Variants in PCDHGA4 observed in about 807,000 individuals in gnomAD.
PCDHGA4 encodes protocadherin gamma-A4.
A neutral mutation model predicts 54.6 loss-of-function variants in PCDHGA4; 38 were observed. That is an observed-to-expected ratio of 0.70 (90% CI 0.54 to 0.91). The LOEUF (loss-of-function observed/expected upper bound fraction) is 0.91. Ranked by LOEUF, PCDHGA4 falls within the 40% of genes least tolerant of loss-of-function variation. PCDHGA4 has a pLI of 0.00. For missense variants in PCDHGA4, 1,298 were observed against 1,220.9 expected (o/e 1.06, Z -0.94); for synonymous variants, 511 against 512.9 (o/e 1.00, Z 0.05).
chr5:141,384,982 G>C, intron 1 of PCDHGA4: 1 of 1,614,144 alleles, frequency 6.2e-7, no homozygotes, highest in Non-Finnish European at 8.5e-7. Flanking sequence ...GTACCTGGTG[G>C]TGGCGGTGGC....
chr5:141,476,062 A>G lies in PCDHGA4; in HGVS notation c.2515-18745A>G, dbSNP rs2099384587. On this transcript the variant is annotated intron_variant, in intron 1 of 3. Coordinates refer to ENST00000571252, the MANE Select transcript of PCDHGA4 (RefSeq NM_018917.4). This position sits in a 1 kb window ranked among gnomAD's most constrained non-coding sequence, Gnocchi z 7.6. ...AGCGCTAACCCGCTGAAAGTTTCTC[A>G]GCGAAATCTCAGGGACGATCTGGAC... The G allele has an allele frequency of 1.8e-5, 27 of 1,509,766 alleles. No individual in the cohort carries two copies. Among genetic ancestry groups the G allele is most frequent in the Non-Finnish European group, 2.3e-5 (26 of 1,136,920 alleles). The allele number at this position is 1,509,766 out of a possible 1,614,324, so 93.5% of individuals were successfully genotyped here.
chr5:141,494,790 C>A lies in PCDHGA4; in HGVS notation c.2515-17C>A, dbSNP rs909145. 17 of 1,614,014 alleles carry A rather than the reference C, an allele frequency of 1.1e-5. 1 individual carries two copies. The South Asian group carries it at 1.9e-4, about 18-fold the overall frequency. ...TCTCACGGGTACTCAGCCCCTTTCC[C>A]TCTGTTTTCTCCACAGCAAGCCCCG... On this transcript the variant is annotated splice_polypyrimidine_tract_variant and intron_variant, in intron 1 of 3. Transcript: ENST00000571252.
At position 141,394,887 on chromosome 5, in the gene PCDHGA4, T is replaced by C. The variant is rs781200096; in HGVS notation, c.2514+37266T>C. 63 of 1,613,752 alleles carry C rather than the reference T, an allele frequency of 3.9e-5. 1 individual carries two copies. In the Admixed American group the frequency reaches 1.0e-3, roughly 26 times the overall value. ...CCCGAACGATTCGAGCCTTACACTC[T>C]ATCTCGTGGTGGCAGTGGCTGCCAT... is the stretch of plus-strand genomic sequence containing the variant. On this transcript the variant is annotated intron_variant, in intron 1 of 3. Coordinates refer to ENST00000571252, the MANE Select transcript of PCDHGA4 (RefSeq NM_018917.4).
chr5:141,417,566 C>G, intron 1 of PCDHGA4: 1 of 362,746 alleles, frequency 2.8e-6, no homozygotes. Context: ...AGAGAAAAGT[C>G]AAGTTGCAGT....
In PCDHGA4 at chr5:141,477,868, C is replaced by A; in HGVS notation, c.2515-16939C>A. The A allele has an allele frequency of 6.2e-7, 1 of 1,613,750 alleles. No homozygotes were observed. Among genetic ancestry groups the A allele is most frequent in the Non-Finnish European group, 8.5e-7 (1 of 1,179,908 alleles). ...CGGTGGAGATGCTGCCTCGAGGTAC[C>A]TCAGCTGGCCACCTAGTGTCACGGG... On this transcript the variant is annotated intron_variant, in intron 1 of 3. Coordinates refer to ENST00000571252, the MANE Select transcript of PCDHGA4 (RefSeq NM_018917.4). The surrounding 1 kb of genome is among the most constrained non-coding windows in gnomAD (Gnocchi z 4.9).
intron 1 of PCDHGA4, among the ~76,000 whole-genome samples, chr5:141,459,690 C>A (rs1338211972): frequency 6.6e-6 from 1 of 152,174 alleles, no homozygotes; most frequent in African/African-American, 2.4e-5. Context: ...ATAAAGCGTT[C>A]CGCTTGCTAC....
chr5:141,360,843 C>A, intron 1 of PCDHGA4: 1 of 1,613,956 alleles, frequency 6.2e-7, no homozygotes, highest in Non-Finnish European at 8.5e-7. Context: ...CGGATGCCAA[C>A]GATAACCCTC....
At chr5:141,375,427 C>T in intron 1 of PCDHGA4, 2 of 1,613,978 alleles carry the variant, frequency 1.2e-6, no homozygotes, top group Non-Finnish European at 1.7e-6. Flanking sequence ...CCAACGACAA[C>T]CCGCCCACCT....
chr5:141,365,580 A>G, intron 1 of PCDHGA4: 1 of 1,613,742 alleles, frequency 6.2e-7, no homozygotes, highest in South Asian at 1.1e-5. Flanking sequence ...GAGACTTCAG[A>G]TTATAATATC....
At chr5:141,393,735 G>C (rs1478004701) in intron 1 of PCDHGA4, 3 of 1,613,740 alleles carry the variant, frequency 1.9e-6, no homozygotes, top group Non-Finnish European at 1.7e-6. Context: ...AAAAAGTCTA[G>C]ATTATGAAGA....
chr5:141,393,799 G>C lies in PCDHGA4; in HGVS notation c.2514+36178G>C, dbSNP rs2092846945. ...GCCGAAGATGTGGGGGCACTTCTGG[G>C]GAGGACCAAATTGCTCATTTCGGTG... On this transcript the variant is annotated intron_variant, in intron 1 of 3. Transcript: ENST00000571252. 2.5e-6 allele frequency: 4 copies of C among 1,613,802 alleles called. No homozygotes were observed. The highest frequency in any genetic ancestry group is 2.5e-6 in the Non-Finnish European group (3 of 1,179,888).
chr5:141,356,605 G>A lies in PCDHGA4; in HGVS notation c.1498G>A (p.Ala500Thr). The A allele has an allele frequency of 6.2e-7, 1 of 1,614,126 alleles. No individual in the cohort carries two copies. Among genetic ancestry groups the A allele is most frequent in the Non-Finnish European group, 8.5e-7 (1 of 1,180,040 alleles). The change falls in exon 1 of 4, where the codon GCC becomes ACC. Residue 500 changes from alanine (A) to threonine (T), a missense_variant. By Grantham distance (58) the Ala-to-Thr change is moderately conservative. Transcript: ENST00000571252. Reference protein sequence around the residue: ...AYIPENNPRGASILSMTAQDP... With the variant: ...AYIPENNPRGTSILSMTAQDP... ...CATTCCTGAAAACAACCCCAGAGGA[G>A]CCTCCATCTTATCTATGACTGCTCA... is the stretch of plus-strand genomic sequence containing the variant.
rs1446432461 is a variant in PCDHGA4, at chr5:141,511,005, C to G, written c.2721C>G (p.Ala907=). 6.2e-7 allele frequency: 1 copy of G among 1,614,176 alleles called. No individual in the cohort carries two copies. Among genetic ancestry groups the G allele is most frequent in the Middle Eastern group, 1.6e-4 (1 of 6,062 alleles). ...GGGAGTMGLS[A]RYGPQFTLQH... is the part of the protein sequence containing the mutation. ...GTGCCGGCACCATGGGATTGAGCGC[C>G]CGCTACGGACCCCAGTTCACCCTGC... Residue 907 remains alanine, a synonymous_variant, in exon 4 of 4, where the codon GCC becomes GCG. Coordinates refer to ENST00000571252, the MANE Select transcript of PCDHGA4 (RefSeq NM_018917.4).
chr5:141,386,043 T>A (rs1356183154), intron 1 of PCDHGA4: 7 of 152,254 alleles, frequency 4.6e-5, no homozygotes, highest in Admixed American at 1.3e-4. Context: ...GGCAATTACA[T>A]GTTTTAACAG....
At chr5:141,433,295 G>A (rs754784548) in intron 1 of PCDHGA4, 22 of 1,044,006 alleles carry the variant, frequency 2.1e-5, no homozygotes, top group Non-Finnish European at 2.9e-5. Flanking sequence ...CTAGGCTCAA[G>A]CAATTATCCC....
intron 1 of PCDHGA4, chr5:141,418,548 T>C: frequency 6.2e-7 from 1 of 1,613,964 alleles, no homozygotes; most frequent in Non-Finnish European, 8.5e-7. Flanking sequence ...CAGATAAGAA[T>C]CCTGGTAATA....
chr5:141,456,773 G>A (rs1178932462), intron 1 of PCDHGA4, among the ~76,000 whole-genome samples: 6 of 151,980 alleles, frequency 3.9e-5, no homozygotes, highest in African/African-American at 1.2e-4. Context: ...GACCAGCCTG[G>A]CCTACATGGC....
Position 141,357,356 on chromosome 5 carries a change from G to A in PCDHGA4, c.2249G>A (p.Trp750Ter), listed in dbSNP as rs1340462933. The A allele has an allele frequency of 6.2e-7, 1 of 1,614,120 alleles. No individual in the cohort carries two copies. Among genetic ancestry groups the A allele is most frequent in the Non-Finnish European group, 8.5e-7 (1 of 1,179,970 alleles). ...CTGCTAGCACTCAAGCTGAGACGCT[G>A]GCACAAGTCACGCCTGCTTCACGCT... Reference protein sequence around the residue: ...TVLLALKLRRWHKSRLLHAEG... With the variant: ...TVLLALKLRR The change falls in exon 1 of 4, where the codon TGG becomes TAG. Residue 750 changes from tryptophan (W) to a stop codon, truncating the protein, a stop_gained. Transcript: ENST00000571252. LOFTEE classifies it high-confidence loss of function.
chr5:141,501,288 T>TACAC (rs1562199973), intron 2 of PCDHGA4, among the ~76,000 whole-genome samples: 2 of 81,228 alleles, frequency 2.5e-5, no homozygotes, highest in Admixed American at 1.6e-4. Flanking sequence ...GATATTCCCT[T>TACAC]ATACACACAC....
Sources: allele counts gnomAD v4.1 joint callset (sites outside exome capture counted in the v4.1 genomes callset), GRCh38; gene constraint gnomAD v4.1.1; non-coding constraint Gnocchi (gnomAD v3.1); transcripts MANE v1.5; gene names NCBI Gene and HGNC (gene_info 2026-07-23, HGNC 2026-07-21).